Variants in TEAD1 observed in about 807,000 individuals in gnomAD.
The protein encoded by TEAD1 is TEA domain transcription factor 1.
Under a neutral mutation model 54.9 loss-of-function variants are expected in TEAD1, and 9 were observed. The observed-to-expected ratio is 0.16, with a 90% CI of 0.10 to 0.29. The LOEUF is 0.29. Among genes scored for constraint, TEAD1 ranks in the 10% least tolerant of loss-of-function variants. The pLI is 1.00. For synonymous variants in TEAD1, 200 were observed against 187.8 expected (o/e 1.07, Z -0.53); for missense variants, 387 against 535.9 (o/e 0.72, Z 2.74).
chr11:12,944,225 T>G lies in TEAD1; in HGVS notation c.*7003T>G, dbSNP rs1286680175. The G allele has an allele frequency of 6.6e-6, 1 of 152,526 alleles. No homozygotes were observed. The highest frequency in any genetic ancestry group is 1.5e-5 in the Non-Finnish European group (1 of 68,020). 9.4% of individuals were successfully genotyped at this position (152,526 alleles called of 1,614,324 possible). On this transcript the variant is annotated 3_prime_UTR_variant, in exon 13 of 13. Transcript: ENST00000527636. Reference sequence around the variant, plus strand: ...GTAACTGGGTTCCTCTTGGGTAGATTGGAGAGATGGGGGTGGGCGTGGGCA... The same window carrying G: ...GTAACTGGGTTCCTCTTGGGTAGATGGGAGAGATGGGGGTGGGCGTGGGCA...
At chr11:12,694,808 T>TC (rs1009608995) in intron 2 of TEAD1, among the ~76,000 whole-genome samples, 30 of 152,268 alleles carry the variant, frequency 2.0e-4, no homozygotes, top group Middle Eastern at 3.4e-3. Flanking sequence ...GAGACCCTTC[T>TC]CCCCCCTACT....
intron 2 of TEAD1, among the ~76,000 whole-genome samples, chr11:12,760,012 G>A (rs1470054340): frequency 6.6e-6 from 1 of 152,232 alleles, no homozygotes; most frequent in East Asian, 1.9e-4. Flanking sequence ...TTAGATGAGT[G>A]TTAGAAATAA....
chr11:12,828,757 C>G (rs958259889), intron 3 of TEAD1, among the ~76,000 whole-genome samples: 1 of 146,370 alleles, frequency 6.8e-6, no homozygotes, highest in African/African-American at 2.5e-5. Flanking sequence ...CCTTAACTGG[C>G]GTCAGCATGG....
intron 9 of TEAD1, among the ~76,000 whole-genome samples, chr11:12,898,522 G>C (rs1401945255): frequency 6.6e-6 from 1 of 151,872 alleles, no homozygotes; most frequent in African/African-American, 2.4e-5. Flanking sequence ...AGCCTCCCGA[G>C]TAGCTGGGAT....
At chr11:12,799,240 C>T (rs1348318477) in intron 3 of TEAD1, among the ~76,000 whole-genome samples, 1 of 152,224 alleles carries the variant, frequency 6.6e-6, no homozygotes, top group Non-Finnish European at 1.5e-5. Flanking sequence ...TTCATAACCA[C>T]CCTGAGAATT....
intron 4 of TEAD1, among the ~76,000 whole-genome samples, chr11:12,863,340 A>G (rs1193855603): frequency 5.9e-5 from 9 of 152,148 alleles, no homozygotes; most frequent in African/African-American, 1.9e-4. Flanking sequence ...GAGGCAGCGC[A>G]TTGTCTGTTT....
At chr11:12,775,283 G>C (rs920274787) in intron 3 of TEAD1, among the ~76,000 whole-genome samples, 1 of 152,140 alleles carries the variant, frequency 6.6e-6, no homozygotes, top group Non-Finnish European at 1.5e-5. Flanking sequence ...TGATGGAAGG[G>C]ACTGTTGCTG....
intron 5 of TEAD1, among the ~76,000 whole-genome samples, chr11:12,870,328 A>T (rs1269914446): frequency 6.6e-6 from 1 of 152,206 alleles, no homozygotes; most frequent in South Asian, 2.1e-4. Flanking sequence ...GAGGAGAGAT[A>T]CGAGGTTCAG....
intron 2 of TEAD1, among the ~76,000 whole-genome samples, chr11:12,697,644 T>G (rs79762824): frequency 0.037 from 5,689 of 152,272 alleles, 377 homozygotes; most frequent in African/African-American, 0.13. Flanking sequence ...GAAGTTTGGT[T>G]TGTATATTTA....
intron 3 of TEAD1, among the ~76,000 whole-genome samples, chr11:12,777,082 C>T (rs111918735): frequency 2.1e-3 from 314 of 151,992 alleles, no homozygotes; most frequent in African/African-American, 6.7e-3. Flanking sequence ...CGTGAACCAC[C>T]GCACCCAGCC....
intron 5 of TEAD1, among the ~76,000 whole-genome samples, chr11:12,871,598 T>C (rs1412582409): frequency 1.3e-5 from 2 of 152,144 alleles, no homozygotes; most frequent in East Asian, 3.9e-4. Context: ...TCAGAGTCCT[T>C]CTTTCCCCAT....
At chr11:12,920,440 A>G (rs188082674) in intron 10 of TEAD1, among the ~76,000 whole-genome samples, 1 of 152,224 alleles carries the variant, frequency 6.6e-6, no homozygotes, top group Admixed American at 6.5e-5. Flanking sequence ...CTGCCCCCAT[A>G]CACAATTGCT....
chr11:12,841,210 A>G (rs924391151), intron 3 of TEAD1, among the ~76,000 whole-genome samples: 1 of 152,206 alleles, frequency 6.6e-6, no homozygotes, highest in South Asian at 2.1e-4. Context: ...CTCTTTTCCT[A>G]CCTGCGTCTC....
At chr11:12,883,422 A>G (rs1221778886) in intron 9 of TEAD1, among the ~76,000 whole-genome samples, 1 of 152,190 alleles carries the variant, frequency 6.6e-6, no homozygotes, top group East Asian at 1.9e-4. Context: ...GTAAAATTTA[A>G]CAAGAAGTAA....
chr11:12,881,833 T>C, intron 7 of TEAD1, 63 bp from the exon 8 acceptor site: 1 of 1,569,480 alleles, frequency 6.4e-7, no homozygotes, highest in Non-Finnish European at 8.8e-7. Flanking sequence ...TGGTGGGGCC[T>C]GGGTAATAGC....
At chr11:12,817,927 C>T (rs573204451) in intron 3 of TEAD1, among the ~76,000 whole-genome samples, 2 of 152,300 alleles carry the variant, frequency 1.3e-5, no homozygotes, top group South Asian at 4.1e-4. Context: ...AGGTTTCTTA[C>T]CCACACATTG....
intron 3 of TEAD1, among the ~76,000 whole-genome samples, chr11:12,767,458 A>G (rs1236802407): frequency 2.6e-5 from 4 of 152,258 alleles, no homozygotes; most frequent in Admixed American, 1.3e-4. Flanking sequence ...CCAATATTTC[A>G]GAGCATTTGT....
intron 11 of TEAD1, among the ~76,000 whole-genome samples, chr11:12,927,897 C>G (rs1158152004): frequency 1.3e-5 from 2 of 152,106 alleles, no homozygotes; most frequent in Non-Finnish European, 2.9e-5. Flanking sequence ...CCCCCAGATT[C>G]CTGGGGTACC....
intron 11 of TEAD1, among the ~76,000 whole-genome samples, chr11:12,925,395 G>T (rs1412707089): frequency 6.6e-6 from 1 of 152,162 alleles, no homozygotes; most frequent in Admixed American, 6.5e-5. Flanking sequence ...TAAACCATCA[G>T]ATCTGGTGAG....
Sources: gnomAD v4.1 joint callset for allele counts (sites outside exome capture counted in the v4.1 genomes callset) on GRCh38, gnomAD v4.1.1 for gene constraint, MANE v1.5 for transcripts, NCBI Gene and HGNC (gene_info 2026-07-23, HGNC 2026-07-21) for gene names.